EML5: variants seen among roughly 807,000 people sequenced by gnomAD.
EML5 encodes the protein EMAP like 5.
A neutral mutation model predicts 250.0 loss-of-function variants in EML5; 120 were observed. The ratio of observed to expected loss-of-function variants is 0.48; its 90% CI spans 0.41 to 0.56. The LOEUF (loss-of-function observed/expected upper bound fraction) is 0.56, where lower values mean the gene tolerates loss of function less well. Among genes scored for constraint, EML5 ranks in the 20% least tolerant of loss-of-function variants. The pLI is 0.00. For synonymous variants in EML5, 771 were observed against 806.5 expected, an observed-to-expected ratio of 0.96 and a Z score of 0.75; for missense variants, 2,006 against 2,437.6, an observed-to-expected ratio of 0.82 and a Z score of 3.73.
intron 14 of EML5, among the ~76,000 whole-genome samples, chr14:88,698,730 A>C (rs1297829603): frequency 6.6e-6 from 1 of 152,186 alleles, no homozygotes; most frequent in Non-Finnish European, 1.5e-5. Context: ...AATACCTCCC[A>C]AGTCCTTCTC....
chr14:88,709,363 C>A (rs1008413786), intron 10 of EML5, among the ~76,000 whole-genome samples: 3 of 151,928 alleles, frequency 2.0e-5, no homozygotes, highest in Non-Finnish European at 4.4e-5. Context: ...AATTACAAAG[C>A]ATTTGTATTA....
chr14:88,618,870 A>C, intron 39 of EML5, 58 bp from the exon 40 acceptor site: 1 of 1,475,950 alleles, frequency 6.8e-7, no homozygotes, highest in Non-Finnish European at 9.0e-7. Context: ...TAAATACTTA[A>C]GATCAGTGAC....
chr14:88,632,473 G>A (rs1046823967), intron 33 of EML5, among the ~76,000 whole-genome samples: 1 of 152,188 alleles, frequency 6.6e-6, no homozygotes, highest in Non-Finnish European at 1.5e-5. Context: ...CTGAGCTACA[G>A]CATCCTGCAT....
In EML5 at chr14:88,707,754, G is replaced by A. The variant is rs536647522; in HGVS notation, c.1658-1328C>T. Reference sequence around the variant, plus strand: ...ATTTTAGGAATAAATTTTTTATGTAGCTTAATATAAGTCACTAATTTAACT... The same window carrying A: ...ATTTTAGGAATAAATTTTTTATGTAACTTAATATAAGTCACTAATTTAACT... On this transcript the variant is annotated intron_variant, in intron 10 of 43. Coordinates refer to ENST00000554922, the MANE Select transcript of EML5 (RefSeq NM_183387.3). Among the ~76,000 whole-genome samples the A allele has an allele frequency of 9.2e-5, 14 of 152,124 alleles. No individual in the cohort carries two copies. In the South Asian group the frequency reaches 2.5e-3, roughly 27 times the overall value.
At chr14:88,625,157 A>C in intron 35 of EML5, 30 bp from the exon 36 acceptor site, 2 of 1,610,498 alleles carry the variant, frequency 1.2e-6, no homozygotes, top group Non-Finnish European at 1.7e-6. Flanking sequence ...GGGGAGACAA[A>C]CTCATCAAAA....
At chr14:88,754,739 T>C (rs539274405) in intron 1 of EML5, 68 bp from the exon 2 acceptor site, 2 of 1,360,322 alleles carry the variant, frequency 1.5e-6, no homozygotes, top group South Asian at 1.3e-5. Flanking sequence ...TAGTATTTGG[T>C]AGATGTAAAA....
rs1427089820 is a variant in EML5, at chr14:88,693,907, AC to A, written c.2539+399del. Among the ~76,000 whole-genome samples the A allele has an allele frequency of 4.7e-5, 7 of 149,126 alleles. No homozygotes were observed. The East Asian group carries it at 1.4e-3, about 30-fold the overall frequency. On this transcript the variant is annotated intron_variant, in intron 17 of 43. Coordinates refer to ENST00000554922, the MANE Select transcript of EML5 (RefSeq NM_183387.3). ...CACCTTATCGTCCCAAGAAGCTGGG[AC>A]CACAGGTACACACCACCATGCCCAG... is the stretch of plus-strand genomic sequence containing the variant.
At chr14:88,757,762 T>C (rs1160826231) in intron 1 of EML5, among the ~76,000 whole-genome samples, 1 of 151,948 alleles carries the variant, frequency 6.6e-6, no homozygotes, top group Non-Finnish European at 1.5e-5. Context: ...ATCACAATAA[T>C]ATACCATTTC....
intron 1 of EML5, among the ~76,000 whole-genome samples, chr14:88,762,777 C>T (rs75120471): frequency 6.6e-6 from 1 of 152,132 alleles, no homozygotes; most frequent in Non-Finnish European, 1.5e-5. Context: ...CACTCCTCAG[C>T]AAATGTAAAA....
chr14:88,623,570 T>C (rs1444723399), intron 36 of EML5: 1 of 151,888 alleles, frequency 6.6e-6, no homozygotes, highest in East Asian at 1.9e-4. Context: ...ACAGGCACCA[T>C]GCCTGGCTAA....
chr14:88,759,885 A>G (rs1450921494), intron 1 of EML5, among the ~76,000 whole-genome samples: 2 of 152,108 alleles, frequency 1.3e-5, no homozygotes, highest in African/African-American at 2.4e-5. Context: ...GCAATGTAAG[A>G]AAGTTCCAGT....
intron 31 of EML5, among the ~76,000 whole-genome samples, chr14:88,642,595 C>T (rs928937298): frequency 3.3e-5 from 5 of 152,144 alleles, no homozygotes; most frequent in African/African-American, 1.2e-4. Flanking sequence ...ATTAAAGTTA[C>T]AAACGGTTTC....
At chr14:88,697,603 T>C (rs1185769918) in intron 14 of EML5, among the ~76,000 whole-genome samples, 2 of 152,222 alleles carry the variant, frequency 1.3e-5, no homozygotes, top group African/African-American at 4.8e-5. Flanking sequence ...AATTCTTAAT[T>C]ATTCCTCTAG....
chr14:88,639,192 A>G (rs1287825), intron 31 of EML5, among the ~76,000 whole-genome samples: 49,611 of 152,154 alleles, frequency 0.33, 10,159 homozygotes, highest in Middle Eastern at 0.47. Context: ...GAAAAGATTA[A>G]TCTCATCATG....
At chr14:88,646,820 GA>G in intron 29 of EML5, 126 bp downstream of exon 29, 19 of 913,080 alleles carry the variant, frequency 2.1e-5, no homozygotes, top group South Asian at 4.1e-5. Context: ...AATTCCAAAG[GA>G]AAAAAATGTG....
chr14:88,676,505 A>T (rs12435720), intron 21 of EML5, among the ~76,000 whole-genome samples: 1 of 152,040 alleles, frequency 6.6e-6, no homozygotes, highest in African/African-American at 2.4e-5. Flanking sequence ...CACAACATGT[A>T]GGAATTCAAG....
chr14:88,761,280 T>C (rs921551496), intron 1 of EML5, among the ~76,000 whole-genome samples: 5 of 152,138 alleles, frequency 3.3e-5, no homozygotes, highest in African/African-American at 9.7e-5. Flanking sequence ...TATACATGTG[T>C]CATGGTGGTT....
intron 1 of EML5, among the ~76,000 whole-genome samples, chr14:88,768,447 G>GT (rs2094348243): frequency 1.3e-5 from 2 of 151,076 alleles, no homozygotes; most frequent in African/African-American, 4.9e-5. Context: ...GTTTCGCTCT[G>GT]TCACCCAGGC....
chr14:88,623,862 G>C (rs1281931843), intron 36 of EML5: 1 of 152,204 alleles, frequency 6.6e-6, no homozygotes, highest in Admixed American at 6.5e-5. Context: ...GGACGAAATA[G>C]AGCCCATTTA....
Sources: gnomAD v4.1 joint callset for allele counts (sites outside exome capture counted in the v4.1 genomes callset) on GRCh38, gnomAD v4.1.1 for gene constraint, MANE v1.5 for transcripts, NCBI Gene and HGNC (gene_info 2026-07-23, HGNC 2026-07-21) for gene names.